Variants in TMEM117 observed in about 807,000 individuals in gnomAD.
TMEM117 encodes transmembrane protein 117.
In TMEM117, 27 loss-of-function variants were observed where a neutral mutation model predicts 52.4. The ratio of observed to expected loss-of-function variants is 0.51; its 90% confidence interval spans 0.38 to 0.71. The LOEUF (loss-of-function observed/expected upper bound fraction) is 0.71, where lower values mean the gene tolerates loss of function less well. Among genes scored for constraint, TMEM117 ranks in the 30% least tolerant of loss-of-function variants. The probability of loss-of-function intolerance (pLI) is 0.00; values close to 1 mark genes in which losing one functional copy is unlikely to be tolerated. For synonymous variants in TMEM117, 215 were observed against 206.3 expected, an observed-to-expected ratio of 1.04 and a Z score of -0.36; for missense variants, 556 against 630.5, an observed-to-expected ratio of 0.88 and a Z score of 1.26.
intron 2 of TMEM117, among the ~76,000 whole-genome samples, chr12:43,926,425 A>G (rs1944779751): frequency 1.3e-5 from 2 of 152,240 alleles, no homozygotes; most frequent in South Asian, 2.1e-4. Flanking sequence ...TTCATAAGCT[A>G]GGGAATATAG....
intron 4 of TMEM117, among the ~76,000 whole-genome samples, chr12:44,202,762 A>C (rs539538471): frequency 6.7e-6 from 1 of 149,966 alleles, no homozygotes; most frequent in East Asian, 1.9e-4. Context: ...CTGTGAATCC[A>C]TCTGGTCCAG....
chr12:43,930,292 G>C (rs1944851102), intron 2 of TMEM117, among the ~76,000 whole-genome samples: 1 of 152,124 alleles, frequency 6.6e-6, no homozygotes, highest in African/African-American at 2.4e-5. Flanking sequence ...TAGTTTAGTA[G>C]GTGTCAGCAA....
At chr12:43,797,277 G>A in the TMEM117 span, 1 of 1,553,964 alleles carries the variant, frequency 6.4e-7, no homozygotes, top group Non-Finnish European at 8.7e-7. Context: ...TGAAAGTAAT[G>A]TGTTAAAAAC....
intron 5 of TMEM117, among the ~76,000 whole-genome samples, chr12:44,283,917 T>C (rs1950607401): frequency 6.6e-6 from 1 of 152,152 alleles, no homozygotes; most frequent in Non-Finnish European, 1.5e-5. Context: ...GTCTTTCCTG[T>C]GCTACTCTTA....
intron 2 of TMEM117, among the ~76,000 whole-genome samples, chr12:43,881,938 GGCA>G (rs1943903847): frequency 6.6e-6 from 1 of 151,766 alleles, no homozygotes. Flanking sequence ...TGGGCGTGGT[GGCA>G]AGCGCCTGTA....
intron 4 of TMEM117, among the ~76,000 whole-genome samples, chr12:44,179,281 T>A (rs1565862108): frequency 6.6e-6 from 1 of 151,700 alleles, no homozygotes; most frequent in Non-Finnish European, 1.5e-5. Context: ...CTCACACAAT[T>A]ACAAGGCAAA....
chr12:44,024,886 G>T (rs75049872), intron 3 of TMEM117, among the ~76,000 whole-genome samples: 3,446 of 151,854 alleles, frequency 0.023, 52 homozygotes, highest in East Asian at 0.06. Context: ...ACACATATAT[G>T]TACATACATA....
intron 5 of TMEM117, among the ~76,000 whole-genome samples, chr12:44,241,054 C>A (rs1268856765): frequency 6.6e-6 from 1 of 151,984 alleles, no homozygotes; most frequent in Non-Finnish European, 1.5e-5. Context: ...ATGATCAAGT[C>A]CCTTGTATAA....
intron 5 of TMEM117, among the ~76,000 whole-genome samples, chr12:44,240,788 A>T (rs886432207): frequency 1.3e-5 from 2 of 152,052 alleles, no homozygotes; most frequent in Non-Finnish European, 2.9e-5. Context: ...TACCAATTTA[A>T]GTTGTTTTCA....
At chr12:44,303,769 T>C (rs550403898) in intron 6 of TMEM117, among the ~76,000 whole-genome samples, 23 of 152,344 alleles carry the variant, frequency 1.5e-4, no homozygotes, top group Non-Finnish European at 2.6e-4. Flanking sequence ...CCCACCGTTC[T>C]TCTTTGCTAG....
At chr12:44,374,311 A>G (rs1356999883) in intron 6 of TMEM117, among the ~76,000 whole-genome samples, 1 of 152,120 alleles carries the variant, frequency 6.6e-6, no homozygotes, top group Non-Finnish European at 1.5e-5. Context: ...TTGGAAAAAC[A>G]AAATCTTGAT....
chr12:44,043,428 G>T (rs1307623500), intron 3 of TMEM117, among the ~76,000 whole-genome samples: 1 of 152,224 alleles, frequency 6.6e-6, no homozygotes, highest in African/African-American at 2.4e-5. Flanking sequence ...ATGGGGACAT[G>T]TGGGAGGACC....
At chr12:43,824,666 T>G in the TMEM117 span, among the ~76,000 whole-genome samples, 1 of 152,216 alleles carries the variant, frequency 6.6e-6, no homozygotes, top group African/African-American at 2.4e-5. Context: ...CCGGGCGCAG[T>G]GGCTCACGAC....
intron 3 of TMEM117, among the ~76,000 whole-genome samples, chr12:43,965,052 G>A (rs1713780513): frequency 6.6e-6 from 1 of 152,124 alleles, no homozygotes; most frequent in Non-Finnish European, 1.5e-5. Flanking sequence ...TCCAACTGTG[G>A]CTGAACTTTT....
intron 6 of TMEM117, among the ~76,000 whole-genome samples, chr12:44,367,805 CT>C (rs1308165449): frequency 6.6e-6 from 1 of 152,126 alleles, no homozygotes; most frequent in Non-Finnish European, 1.5e-5. Context: ...CAATGTCTCC[CT>C]TCTCAGCAAA....
At chr12:43,810,505 A>G in the TMEM117 span, among the ~76,000 whole-genome samples, 1 of 152,294 alleles carries the variant, frequency 6.6e-6, no homozygotes, top group East Asian at 1.9e-4. Context: ...TTTCCATATT[A>G]GATAAATTTA....
At chr12:44,215,729 T>TTA (rs1283776432) in intron 5 of TMEM117, among the ~76,000 whole-genome samples, 28 of 147,024 alleles carry the variant, frequency 1.9e-4, no homozygotes, top group Middle Eastern at 3.3e-3. Context: ...TAGCTTTTTT[T>TTA]AAAAAAAAAA....
intron 5 of TMEM117, among the ~76,000 whole-genome samples, chr12:44,227,049 G>A (rs1949871079): frequency 6.6e-6 from 1 of 152,000 alleles, no homozygotes; most frequent in African/African-American, 2.4e-5. Context: ...TTTCACAAAG[G>A]CAATTTCTAG....
intron 7 of TMEM117, among the ~76,000 whole-genome samples, chr12:44,380,916 C>A (rs1360982705): frequency 6.6e-6 from 1 of 152,134 alleles, no homozygotes; most frequent in Admixed American, 6.6e-5. Flanking sequence ...AAAATTCTCT[C>A]TCCCAATGAA....
Sources: allele counts gnomAD v4.1 joint callset (sites outside exome capture counted in the v4.1 genomes callset), GRCh38; gene constraint gnomAD v4.1.1; transcripts MANE v1.5; gene names NCBI Gene and HGNC (gene_info 2026-07-23, HGNC 2026-07-21).